Variants in PPP2R5C observed in about 807,000 individuals in gnomAD.
PPP2R5C encodes serine/threonine-protein phosphatase 2A 56 kDa regulatory subunit gamma isoform.
Under a neutral mutation model 68.9 loss-of-function variants are expected in PPP2R5C, and 7 were observed. That is an observed-to-expected ratio of 0.10 (90% CI 0.06 to 0.19). The LOEUF is 0.19. Ranked by LOEUF, PPP2R5C falls within the 10% of genes least tolerant of loss-of-function variation. The probability of loss-of-function intolerance (pLI) is 1.00; values close to 1 mark genes in which losing one functional copy is unlikely to be tolerated. For missense variants in PPP2R5C, 348 were observed against 641.3 expected, an observed-to-expected ratio of 0.54 and a Z score of 4.94; for synonymous variants, 210 against 222.2, an observed-to-expected ratio of 0.95 and a Z score of 0.49.
intron 3 of PPP2R5C, among the ~76,000 whole-genome samples, chr14:101,793,637 C>G (rs2038471273): frequency 6.6e-6 from 1 of 152,236 alleles, no homozygotes; most frequent in South Asian, 2.1e-4. Flanking sequence ...TTGCAGTACT[C>G]TTTTAGCTCT....
intron 1 of PPP2R5C, among the ~76,000 whole-genome samples, chr14:101,762,123 CG>C (rs2036576794): frequency 6.6e-6 from 1 of 150,960 alleles, no homozygotes; most frequent in Non-Finnish European, 1.5e-5. Context: ...GCCCGGGGAT[CG>C]CGCCGGAGCC....
exon 14 of PPP2R5C, chr14:101,925,402 C>A: frequency 7.1e-7 from 1 of 1,399,282 alleles, no homozygotes; most frequent in Non-Finnish European, 9.4e-7. Flanking sequence ...TAGGCAATAA[C>A]GTGCGTCCGC....
chr14:101,774,819 C>G (rs771790740), intron 2 of PPP2R5C, among the ~76,000 whole-genome samples: 5 of 152,110 alleles, frequency 3.3e-5, no homozygotes, highest in Non-Finnish European at 7.4e-5. Context: ...TGTCCTGGCA[C>G]GAGAATCAGT....
chr14:101,848,637 G>C (rs2041976667), intron 1 of PPP2R5C, among the ~76,000 whole-genome samples: 1 of 152,180 alleles, frequency 6.6e-6, no homozygotes, highest in South Asian at 2.1e-4. Flanking sequence ...GAGGTCGTCG[G>C]TGTTGACGCA....
chr14:101,815,553 CTG>C (rs1176688481), intron 1 of PPP2R5C, among the ~76,000 whole-genome samples: 1 of 152,166 alleles, frequency 6.6e-6, no homozygotes, highest in Non-Finnish European at 1.5e-5. Flanking sequence ...GAGGACAGTC[CTG>C]TTGAACTTGT....
At chr14:101,861,369 G>A (rs1043909641) in intron 2 of PPP2R5C, among the ~76,000 whole-genome samples, 6 of 152,174 alleles carry the variant, frequency 3.9e-5, no homozygotes, top group African/African-American at 9.7e-5. Flanking sequence ...AGAGCCTTTC[G>A]GAGGGCCTGT....
Position 101,888,597 on chromosome 14 carries a change from G to A in PPP2R5C, c.630-1640G>A, listed in dbSNP as rs976600884. Among the ~76,000 whole-genome samples the A allele has an allele frequency of 6.7e-6, 1 of 148,216 alleles. No homozygotes were observed. Among genetic ancestry groups the A allele is most frequent in the Admixed American group, 6.7e-5 (1 of 15,024 alleles). Reference sequence around the variant, plus strand: ...CTGTTGTGTTGTTTTGTTTTGTTTTGTTTTGTTTTTTGTTTTGAAACAGGG... The same window carrying A: ...CTGTTGTGTTGTTTTGTTTTGTTTTATTTTGTTTTTTGTTTTGAAACAGGG... On this transcript the variant is annotated intron_variant, in intron 5 of 13. Coordinates refer to ENST00000334743, the Ensembl canonical transcript of PPP2R5C. This position sits in a 1 kb window ranked among gnomAD's most constrained non-coding sequence, Gnocchi z 5.6.
At chr14:101,920,618 T>A (rs1008986765) in intron 13 of PPP2R5C, among the ~76,000 whole-genome samples, 5 of 152,212 alleles carry the variant, frequency 3.3e-5, no homozygotes, top group African/African-American at 1.2e-4. Context: ...TCCATTAGAA[T>A]CTCAGCAGGC....
chr14:101,915,135 G>A lies in PPP2R5C; in HGVS notation c.1326+2662G>A, dbSNP rs577813049. Among the ~76,000 whole-genome samples, 16 of 152,298 alleles carry A rather than the reference G, an allele frequency of 1.1e-4. No individual in the cohort carries two copies. The highest frequency in any genetic ancestry group is 3.8e-4 in the African/African-American group (16 of 41,562). On this transcript the variant is annotated intron_variant, in intron 12 of 13. Coordinates refer to ENST00000334743, the Ensembl canonical transcript of PPP2R5C. The surrounding 1 kb of genome is among the most constrained non-coding windows in gnomAD (Gnocchi z 4.2). The stretch of plus-strand genomic sequence containing the variant: ...TCTGTTACCCAGGCTGGAGTGCAGT[G>A]GCGTGATCTCGGCTCACCACAACCT...
intron 3 of PPP2R5C, among the ~76,000 whole-genome samples, chr14:101,793,060 TA>T: frequency 6.6e-6 from 1 of 152,162 alleles, no homozygotes; most frequent in South Asian, 2.1e-4. Context: ...ATATTTTTTG[TA>T]AATATGGGGT....
intron 3 of PPP2R5C, among the ~76,000 whole-genome samples, chr14:101,792,507 G>T (rs976053456): frequency 5.3e-5 from 8 of 152,152 alleles, no homozygotes; most frequent in Admixed American, 5.2e-4. Flanking sequence ...GAGATACTTG[G>T]TTATCTTGAA....
chr14:101,925,289 T>TCGGGGC, exon 14 of PPP2R5C: 1 of 1,610,848 alleles, frequency 6.2e-7, no homozygotes, highest in Non-Finnish European at 8.5e-7. Flanking sequence ...GGGCGCCGCG[T>TCGGGGC]CGGGGCCGGG....
At chr14:101,905,881 C>T (rs2045992998) in intron 9 of PPP2R5C, among the ~76,000 whole-genome samples, 1 of 152,168 alleles carries the variant, frequency 6.6e-6, no homozygotes, top group Admixed American at 6.5e-5. Context: ...CCCCACCGCA[C>T]ACGCACCGCC....
intron 2 of PPP2R5C, among the ~76,000 whole-genome samples, chr14:101,769,213 T>C (rs1235792877): frequency 6.6e-6 from 1 of 152,030 alleles, no homozygotes; most frequent in African/African-American, 2.4e-5. Flanking sequence ...GTGTCTTCCA[T>C]ATTTTAAATG....
At chr14:101,892,111 G>A (rs73358852) in intron 6 of PPP2R5C, among the ~76,000 whole-genome samples, 24,964 of 151,954 alleles carry the variant, frequency 0.16, 3,561 homozygotes, top group African/African-American at 0.39. Context: ...GCCCGCCACC[G>A]CGCCTGGCTA....
intron 13 of PPP2R5C, among the ~76,000 whole-genome samples, chr14:101,919,302 G>A (rs936753412): frequency 3.3e-5 from 5 of 152,158 alleles, no homozygotes; most frequent in African/African-American, 1.2e-4. Context: ...GAAATACAGT[G>A]GAAAAGCTCA....
At chr14:101,766,088 C>T (rs1287275906) in intron 2 of PPP2R5C, 1 of 152,260 alleles carries the variant, frequency 6.6e-6, no homozygotes, top group Non-Finnish European at 1.5e-5. Context: ...AACTTGGCCT[C>T]TGGTTGACTT....
intron 1 of PPP2R5C, chr14:101,818,978 A>G (rs1184190440): frequency 6.6e-7 from 1 of 1,524,060 alleles, no homozygotes; most frequent in Non-Finnish European, 8.9e-7. Context: ...TGAAAAAGTT[A>G]TGTTTCACTC....
At chr14:101,838,888 A>AC (rs2041280478) in intron 1 of PPP2R5C, 1 of 152,046 alleles carries the variant, frequency 6.6e-6, no homozygotes, top group African/African-American at 2.4e-5. Context: ...TACTAAAAAT[A>AC]CAAAAATTAG....
Sources: allele counts gnomAD v4.1 joint callset (sites outside exome capture counted in the v4.1 genomes callset), GRCh38; gene constraint gnomAD v4.1.1; non-coding constraint Gnocchi (gnomAD v3.1); transcripts MANE v1.5; gene names NCBI Gene and HGNC (gene_info 2026-07-23, HGNC 2026-07-21).